FMN1: variants seen among roughly 807,000 people sequenced by gnomAD.
FMN1 encodes formin-1.
In FMN1, 110 loss-of-function variants were observed where a neutral mutation model predicts 132.4. The observed-to-expected ratio is 0.83, with a 90% CI of 0.71 to 0.97. The LOEUF (loss-of-function observed/expected upper bound fraction) is 0.97. Ranked by LOEUF, FMN1 falls within the 50% of genes least tolerant of loss-of-function variation. The pLI is 0.00. For missense variants in FMN1, 1,792 were observed against 1,705.3 expected (o/e 1.05, Z -0.90); for synonymous variants, 722 against 651.7 (o/e 1.11, Z -1.64).
At chr15:33,188,765 G>A (rs1965976622) in intron 2 of FMN1, among the ~76,000 whole-genome samples, 1 of 152,094 alleles carries the variant, frequency 6.6e-6, no homozygotes, top group Admixed American at 6.5e-5. Flanking sequence ...CTGCAGGGCT[G>A]TTACTTCCTA....
intron 7 of FMN1, among the ~76,000 whole-genome samples, chr15:32,987,473 T>A (rs953068821): frequency 1.3e-4 from 20 of 152,278 alleles, no homozygotes; most frequent in African/African-American, 4.3e-4. Context: ...TTCCCCCGAC[T>A]GCACATCAGA....
chr15:32,810,347 A>T (rs913015758), intron 17 of FMN1, among the ~76,000 whole-genome samples: 2 of 152,188 alleles, frequency 1.3e-5, no homozygotes, highest in Admixed American at 6.5e-5. Flanking sequence ...GTTTGCAACA[A>T]AATAGTGAAG....
chr15:33,012,843 C>G (rs2140968833), intron 6 of FMN1: 1 of 617,368 alleles, frequency 1.6e-6, no homozygotes, highest in African/African-American at 1.8e-5. Flanking sequence ...GTGGGGGTGG[C>G]TATAATGAAT....
chr15:32,785,398 C>G (rs913732548), intron 19 of FMN1, among the ~76,000 whole-genome samples: 19 of 150,916 alleles, frequency 1.3e-4, no homozygotes, highest in Admixed American at 1.3e-3. Flanking sequence ...GGAATTTAGG[C>G]TGATGACTGG....
At chr15:32,777,550 C>T (rs184020318) in intron 19 of FMN1, among the ~76,000 whole-genome samples, 9 of 144,466 alleles carry the variant, frequency 6.2e-5, no homozygotes, top group Admixed American at 1.4e-4. Context: ...TTATATATTA[C>T]GTATAACATA....
At chr15:32,932,120 C>A (rs576991132) in intron 9 of FMN1, among the ~76,000 whole-genome samples, 3 of 152,220 alleles carry the variant, frequency 2.0e-5, no homozygotes, top group Non-Finnish European at 4.4e-5. Context: ...TTTACTGGGC[C>A]AGGTGCAGTG....
chr15:32,898,992 T>C (rs2060227747), intron 14 of FMN1, 99 bp from the exon 15 acceptor site: 1 of 815,660 alleles, frequency 1.2e-6, no homozygotes, highest in Admixed American at 2.1e-5. Flanking sequence ...TTCTAATTCG[T>C]GAAAACTGGC....
intron 17 of FMN1, among the ~76,000 whole-genome samples, chr15:32,807,854 T>C (rs769186562): frequency 1.3e-5 from 2 of 152,230 alleles, no homozygotes. Flanking sequence ...AATTTTGCCC[T>C]TGTACAGATA....
In FMN1 at chr15:32,767,659, T is replaced by C. The variant is rs2056091821; in HGVS notation, c.*6651A>G. 1 of 152,260 alleles carries C rather than the reference T, an allele frequency of 6.6e-6. No individual in the cohort carries two copies. Among genetic ancestry groups the C allele is most frequent in the African/African-American group, 2.4e-5 (1 of 41,478 alleles). 9.4% of individuals were successfully genotyped at this position (152,260 alleles called of 1,614,324 possible). ...TTTAAAGGGAAGTTCTTTTTATTAA[T>C]GCATACTCTCTTTGAAGATAAGACA... On this transcript the variant is annotated 3_prime_UTR_variant, in exon 21 of 21. Coordinates refer to ENST00000616417, the MANE Select transcript of FMN1 (RefSeq NM_001277313.2).
chr15:32,770,078 T>C lies in FMN1; in HGVS notation c.*4232A>G, dbSNP rs2056179131. ...GGAAGGCTATATATTTTTGGACTTC[T>C]TCCTTTTTGTCATATAAAGCTCCAA... On this transcript the variant is annotated 3_prime_UTR_variant, in exon 21 of 21. Coordinates refer to ENST00000616417, the MANE Select transcript of FMN1 (RefSeq NM_001277313.2). 1 of 152,232 alleles carries C rather than the reference T, an allele frequency of 6.6e-6. No individual in the cohort carries two copies. The highest frequency in any genetic ancestry group is 2.4e-5 in the African/African-American group (1 of 41,464). 9.4% of individuals were successfully genotyped at this position (152,232 alleles called of 1,614,324 possible).
rs555315585 is a variant in FMN1 at position 33,069,577 on chromosome 15, G to C, written c.2044-4503C>G. Among the ~76,000 whole-genome samples, 96 of 152,274 alleles carry C rather than the reference G, an allele frequency of 6.3e-4. 1 individual carries two copies. The highest frequency in any genetic ancestry group is 5.0e-3 in the South Asian group (24 of 4,820). ...GCTGCATGTCACACATTGATAACTT[G>C]AGCCATGTTCTTCAGTACTAAAAAC... On this transcript the variant is annotated intron_variant, in intron 5 of 20. Transcript: ENST00000616417.
intron 4 of FMN1, among the ~76,000 whole-genome samples, chr15:33,147,467 C>T (rs1025568894): frequency 1.3e-5 from 2 of 152,132 alleles, no homozygotes; most frequent in South Asian, 4.1e-4. Flanking sequence ...GGAATTATTT[C>T]GGAAGGCTGT....
intron 17 of FMN1, among the ~76,000 whole-genome samples, chr15:32,853,228 T>A (rs1209401299): frequency 6.6e-6 from 1 of 152,198 alleles, no homozygotes; most frequent in African/African-American, 2.4e-5. Context: ...AACAAAAATA[T>A]CTTCTTTGCT....
intron 9 of FMN1, among the ~76,000 whole-genome samples, chr15:32,954,389 T>A (rs747503034): frequency 1.3e-5 from 2 of 152,210 alleles, no homozygotes; most frequent in African/African-American, 2.4e-5. Flanking sequence ...CTCATCTATC[T>A]GCCTTCTAAA....
At chr15:32,835,501 G>A (rs900182851) in intron 17 of FMN1, among the ~76,000 whole-genome samples, 4 of 152,208 alleles carry the variant, frequency 2.6e-5, no homozygotes, top group Non-Finnish European at 5.9e-5. Context: ...TGGAGATGAA[G>A]ACACACTTTT....
At chr15:32,899,872 G>C in intron 14 of FMN1, 107 bp downstream of exon 14, 1 of 1,075,762 alleles carries the variant, frequency 9.3e-7, no homozygotes, top group South Asian at 1.5e-5. Context: ...ATGTTGTTAA[G>C]GGGAGGATAG....
intron 19 of FMN1, among the ~76,000 whole-genome samples, chr15:32,794,326 T>C (rs935396552): frequency 1.3e-5 from 2 of 152,226 alleles, no homozygotes; most frequent in African/African-American, 2.4e-5. Flanking sequence ...TTACCCATTA[T>C]GGGGTTTTTA....
At chr15:32,784,479 C>T (rs559911054) in intron 19 of FMN1, among the ~76,000 whole-genome samples, 1 of 151,690 alleles carries the variant, frequency 6.6e-6, no homozygotes, top group Admixed American at 6.6e-5. Context: ...CAACAGAAGC[C>T]AACAGAAAGC....
At chr15:32,783,740 GTT>G (rs1294770764) in intron 19 of FMN1, among the ~76,000 whole-genome samples, 969 of 68,668 alleles carry the variant, frequency 0.014, 39 homozygotes, top group African/African-American at 0.056. Flanking sequence ...GCGAGACTCT[GTT>G]TCAAAAAAAA....
Sources: gnomAD v4.1 joint callset for allele counts (sites outside exome capture counted in the v4.1 genomes callset) on GRCh38, gnomAD v4.1.1 for gene constraint, MANE v1.5 for transcripts, NCBI Gene and HGNC (gene_info 2026-07-23, HGNC 2026-07-21) for gene names.